Variants in PCCA observed in about 807,000 individuals in gnomAD.
The protein encoded by PCCA is propionyl-CoA carboxylase subunit alpha.
In PCCA, 74 loss-of-function variants were observed where a neutral mutation model predicts 101.3. The ratio of observed to expected loss-of-function variants is 0.73; its 90% CI spans 0.61 to 0.89. The LOEUF is 0.89. Among genes scored for constraint, PCCA ranks in the 40% least tolerant of loss-of-function variants. The pLI is 0.00. For synonymous variants in PCCA, 294 were observed against 313.6 expected (o/e 0.94, Z 0.66); for missense variants, 891 against 907.0 (o/e 0.98, Z 0.23).
chr13:100,527,486 A>G, intron 22 of PCCA, 189 bp from the exon 23 acceptor site: 1 of 630,150 alleles, frequency 1.6e-6, no homozygotes, highest in Non-Finnish European at 2.9e-6. Context: ...GGACTTTATG[A>G]GAGAGAGAAT....
chr13:100,500,475 C>T (rs1419322976), intron 21 of PCCA, among the ~76,000 whole-genome samples: 2 of 152,134 alleles, frequency 1.3e-5, no homozygotes, highest in Non-Finnish European at 2.9e-5. Flanking sequence ...TTAGCTTCCC[C>T]ATAGTTTTTA....
intron 4 of PCCA, among the ~76,000 whole-genome samples, chr13:100,151,310 G>A (rs529267433): frequency 6.6e-6 from 1 of 152,232 alleles, no homozygotes; most frequent in South Asian, 2.1e-4. Context: ...CTAAATGCTT[G>A]GCTGGGCGCG....
At chr13:100,440,156 T>TTATATATATATATA (rs398024171) in intron 20 of PCCA, among the ~76,000 whole-genome samples, 1 of 92,834 alleles carries the variant, frequency 1.1e-5, no homozygotes, top group Non-Finnish European at 2.2e-5. Flanking sequence ...GAGTATTAAA[T>TTATATATATATATA]TATATATATA....
intron 2 of PCCA, among the ~76,000 whole-genome samples, chr13:100,103,847 G>A (rs1052178603): frequency 1.3e-5 from 2 of 151,946 alleles, no homozygotes; most frequent in Admixed American, 1.3e-4. Flanking sequence ...TGTTGGCCAG[G>A]CTGGTCTCAA....
intron 21 of PCCA, among the ~76,000 whole-genome samples, chr13:100,495,820 C>T (rs1394390008): frequency 6.6e-6 from 1 of 152,084 alleles, no homozygotes; most frequent in African/African-American, 2.4e-5. Flanking sequence ...GATTTTGATA[C>T]TTTTTAATTT....
intron 2 of PCCA, among the ~76,000 whole-genome samples, chr13:100,110,313 ATTAC>A (rs1648107844): frequency 6.6e-6 from 1 of 152,236 alleles, no homozygotes; most frequent in Non-Finnish European, 1.5e-5. Flanking sequence ...TTACATCCAA[ATTAC>A]TTGGAATGGT....
At chr13:100,259,516 G>A (rs4622375) in intron 9 of PCCA, among the ~76,000 whole-genome samples, 15,749 of 151,624 alleles carry the variant, frequency 0.1, 909 homozygotes, top group Non-Finnish European at 0.13. Flanking sequence ...TGTATTTTTA[G>A]TAGAGACGGG....
At chr13:100,400,593 G>C (rs2077280094) in intron 19 of PCCA, among the ~76,000 whole-genome samples, 1 of 144,786 alleles carries the variant, frequency 6.9e-6, no homozygotes, top group South Asian at 2.2e-4. Flanking sequence ...GATAATTTTA[G>C]GTGTAATATG....
intron 18 of PCCA, among the ~76,000 whole-genome samples, chr13:100,352,962 A>C (rs4772286): frequency 0.71 from 107,691 of 152,096 alleles, 38,504 homozygotes; most frequent in Middle Eastern, 0.81. Flanking sequence ...AGTAATCCTT[A>C]CGCCTCAGCC....
intron 12 of PCCA, among the ~76,000 whole-genome samples, chr13:100,287,214 C>T (rs536967890): frequency 6.6e-6 from 1 of 152,116 alleles, no homozygotes; most frequent in Non-Finnish European, 1.5e-5. Flanking sequence ...CATCTCCTAG[C>T]ACCACACTGG....
chr13:100,358,500 G>A (rs951586337), intron 18 of PCCA, among the ~76,000 whole-genome samples: 1 of 152,120 alleles, frequency 6.6e-6, no homozygotes, highest in African/African-American at 2.4e-5. Flanking sequence ...TATCAGCATA[G>A]AAATGGAAAT....
At chr13:100,488,504 T>C (rs1019999754) in intron 21 of PCCA, among the ~76,000 whole-genome samples, 2 of 152,176 alleles carry the variant, frequency 1.3e-5, no homozygotes, top group East Asian at 1.9e-4. Context: ...CTGGGCATAG[T>C]GGCTCACACC....
chr13:100,210,819 G>A (rs2059167625), intron 7 of PCCA, among the ~76,000 whole-genome samples: 1 of 152,150 alleles, frequency 6.6e-6, no homozygotes, highest in South Asian at 2.1e-4. Flanking sequence ...ATGCATTAGA[G>A]GACGATTAGA....
At chr13:100,328,743 G>C (rs1259462357) in intron 16 of PCCA, among the ~76,000 whole-genome samples, 1 of 140,538 alleles carries the variant, frequency 7.1e-6, no homozygotes, top group Non-Finnish European at 1.5e-5. Context: ...GCTGAGGTGG[G>C]AGTGCAGTGG....
At chr13:100,390,476 G>A (rs1364277104) in intron 19 of PCCA, among the ~76,000 whole-genome samples, 5 of 152,106 alleles carry the variant, frequency 3.3e-5, no homozygotes, top group Non-Finnish European at 7.4e-5. Flanking sequence ...AGTTGAACAC[G>A]GGTTGAATTG....
At chr13:100,410,343 A>G (rs530032491) in intron 19 of PCCA, among the ~76,000 whole-genome samples, 1 of 152,162 alleles carries the variant, frequency 6.6e-6, no homozygotes, top group Non-Finnish European at 1.5e-5. Flanking sequence ...CCTGGGTTCA[A>G]GCAATTCTCC....
At chr13:100,339,596 T>C (rs1051388023) in intron 17 of PCCA, among the ~76,000 whole-genome samples, 3 of 152,170 alleles carry the variant, frequency 2.0e-5, no homozygotes, top group Admixed American at 2.0e-4. Flanking sequence ...TGTGTAATGG[T>C]AGGAAGATAC....
At position 100,309,873 on chromosome 13, in the gene PCCA, G is replaced by A. The variant is rs747473216; in HGVS notation, c.1394G>A (p.Arg465Lys). The A allele has an allele frequency of 6.2e-6, 10 of 1,613,628 alleles. No homozygotes were observed. In the South Asian group the frequency reaches 1.1e-4, roughly 18 times the overall value. The part of the protein sequence containing the change: ...YGSDRTEALK[R>K]MADALDNYVI... ...TCTGATAGAACTGAGGCACTGAAGAGAATGGCAGATGCACTGGATAACTAT... is the reference window on the plus strand; with the variant it reads ...TCTGATAGAACTGAGGCACTGAAGAAAATGGCAGATGCACTGGATAACTAT... The change falls in exon 16 of 24, where the codon AGA becomes AAA. Residue 465 changes from arginine (R) to lysine (K), a missense_variant. Transcript: ENST00000376285.
intron 7 of PCCA, among the ~76,000 whole-genome samples, chr13:100,221,746 AT>A (rs3034654): frequency 0.012 from 1,468 of 121,536 alleles, 5 homozygotes; most frequent in Middle Eastern, 0.028. Flanking sequence ...TCCCTGGGAA[AT>A]TTTTTTTTTT....
Sources: gnomAD v4.1 joint callset for allele counts (sites outside exome capture counted in the v4.1 genomes callset) on GRCh38, gnomAD v4.1.1 for gene constraint, MANE v1.5 for transcripts, NCBI Gene and HGNC (gene_info 2026-07-23, HGNC 2026-07-21) for gene names.